The following MID1 variants were observed in gnomAD, a reference collection of about 807,000 sequenced individuals.
The protein encoded by MID1 is E3 ubiquitin-protein ligase Midline-1.
In MID1, 7 loss-of-function variants were observed where a neutral mutation model predicts 40.4. The ratio of observed to expected loss-of-function variants is 0.17; its 90% CI spans 0.10 to 0.33. The LOEUF (loss-of-function observed/expected upper bound fraction) is 0.33, where lower values mean the gene tolerates loss of function less well. Among genes scored for constraint, MID1 ranks in the 10% least tolerant of loss-of-function variants. The probability of loss-of-function intolerance (pLI) is 1.00; values close to 1 mark genes in which losing one functional copy is unlikely to be tolerated. For synonymous variants in MID1, 229 were observed against 221.2 expected, an observed-to-expected ratio of 1.04 and a Z score of -0.31; for missense variants, 367 against 558.5, an observed-to-expected ratio of 0.66 and a Z score of 3.46.
At chrX:10,703,559 C>G (rs201026081) in intron 1 of MID1, among the ~76,000 whole-genome samples, 1 of 110,795 alleles carries the variant, frequency 9.0e-6, no homozygotes, top group Non-Finnish European at 1.9e-5. Flanking sequence ...CCCAGCTACT[C>G]GGGAGGCTGA....
chrX:10,510,445 A>G (rs1932059591), intron 3 of MID1, among the ~76,000 whole-genome samples: 1 of 111,900 alleles, frequency 8.9e-6, no homozygotes, highest in Admixed American at 9.5e-5. Context: ...AGCACTTCAA[A>G]TGCTAACAGG....
chrX:10,642,599 T>G (rs376649400), intron 1 of MID1, among the ~76,000 whole-genome samples: 1 of 110,431 alleles, frequency 9.1e-6, no homozygotes, highest in East Asian at 2.8e-4. Context: ...CAAGGTAATT[T>G]ATAGATTCAA....
chrX:10,769,306 A>C (rs2043750014), intron 1 of MID1, among the ~76,000 whole-genome samples: 1 of 106,092 alleles, frequency 9.4e-6, no homozygotes, highest in South Asian at 4.1e-4. Context: ...AACCCCAAAC[A>C]AAAAAAAAAG....
upstream of MID1, among the ~76,000 whole-genome samples, chrX:10,623,248 A>G (rs1368213080): frequency 2.8e-5 from 3 of 105,387 alleles, no homozygotes; most frequent in Non-Finnish European, 3.9e-5. Context: ...AGACCCCGAA[A>G]AAAAAGAAAA....
chrX:10,640,783 A>G (rs1237181217), intron 1 of MID1, among the ~76,000 whole-genome samples: 3 of 111,203 alleles, frequency 2.7e-5, no homozygotes, highest in African/African-American at 9.8e-5. Flanking sequence ...CTCCTCAGCA[A>G]ATGTAAAAGA....
intron 1 of MID1, among the ~76,000 whole-genome samples, chrX:10,714,081 C>A (rs749869807): frequency 8.9e-6 from 1 of 112,227 alleles, no homozygotes; most frequent in African/African-American, 3.2e-5. Flanking sequence ...CTGCTTTAAT[C>A]ATCCATTCTT....
chrX:10,491,513 C>T (rs916254082), intron 4 of MID1, among the ~76,000 whole-genome samples: 6 of 110,826 alleles, frequency 5.4e-5, no homozygotes, highest in South Asian at 7.7e-4. Flanking sequence ...CCTCCCAAAG[C>T]GTTGGGACTA....
intron 1 of MID1, among the ~76,000 whole-genome samples, chrX:10,609,964 C>T (rs1249697058): frequency 1.8e-5 from 2 of 111,290 alleles, no homozygotes; most frequent in Non-Finnish European, 3.8e-5. Flanking sequence ...GTGATCCGCC[C>T]GCCTCGGCTT....
intron 2 of MID1, among the ~76,000 whole-genome samples, chrX:10,561,889 T>C (rs756607180): frequency 4.7e-5 from 5 of 107,493 alleles, no homozygotes; most frequent in Non-Finnish European, 9.4e-5. Context: ...CAAAGGATTA[T>C]AGAGCATTCT....
At chrX:10,454,353 T>C (rs961292004) in intron 9 of MID1, among the ~76,000 whole-genome samples, 10 of 111,724 alleles carry the variant, frequency 9.0e-5, no homozygotes, top group African/African-American at 3.3e-4. Flanking sequence ...TGTTTAAAAG[T>C]AGGGAATGGC....
intron 1 of MID1, among the ~76,000 whole-genome samples, chrX:10,638,655 T>C (rs1295451957): frequency 1.8e-5 from 2 of 111,012 alleles, no homozygotes; most frequent in East Asian, 5.7e-4. Flanking sequence ...TTGAAGAGAG[T>C]AGTGCTTCTC....
rs767017939 is a variant in MID1 at position 10,567,700 on chromosome X, T to C, written c.-56-97A>G. 57 of 555,754 alleles carry C rather than the reference T, an allele frequency of 1.0e-4. No homozygotes were observed. The South Asian group carries it at 1.5e-3, about 15-fold the overall frequency. 45.8% of individuals were successfully genotyped at this position (555,754 alleles called of 1,213,427 possible). On this transcript the variant is annotated intron_variant, in intron 1 of 9. Transcript: ENST00000317552. ...ATCTCAGAATAATTCCAAACACAGGTCATGAAAGGGTAAGTGTGTGTACAT... is the reference window on the plus strand; with the variant it reads ...ATCTCAGAATAATTCCAAACACAGGCCATGAAAGGGTAAGTGTGTGTACAT...
At chrX:10,631,706 C>T (rs1476577) in intron 1 of MID1, among the ~76,000 whole-genome samples, 1,610 of 111,982 alleles carry the variant, frequency 0.014, 28 homozygotes, top group African/African-American at 0.046. Flanking sequence ...AGCCCATATT[C>T]TTCCTTCCTT....
At chrX:10,638,326 T>A (rs1936144859) in intron 1 of MID1, among the ~76,000 whole-genome samples, 1 of 112,257 alleles carries the variant, frequency 8.9e-6, no homozygotes, top group Admixed American at 9.4e-5. Context: ...GCTTTTCCAA[T>A]GGCCTTAGCA....
rs745728728 is a variant in MID1, at chrX:10,618,323, G to T, written c.-57+1967C>A. ...CACCCTGCCTGGATGCAACAGTCAG[G>T]TTTCCCCAAGAGAAACTCAAATAAA... On this transcript the variant is annotated intron_variant, in intron 1 of 9. Coordinates refer to ENST00000317552, the MANE Select transcript of MID1 (RefSeq NM_000381.4). Among the ~76,000 whole-genome samples the T allele has an allele frequency of 2.7e-5, 3 of 112,130 alleles. No individual in the cohort carries two copies. In the East Asian group the frequency reaches 8.4e-4, roughly 31 times the overall value.
chrX:10,449,722 G>C lies in MID1; in HGVS notation c.1656-6C>G. On this transcript the variant is annotated splice_region_variant and splice_polypyrimidine_tract_variant and intron_variant, in intron 9 of 9. Coordinates refer to ENST00000317552, the MANE Select transcript of MID1 (RefSeq NM_000381.4). ...AAGCAAGACCAATGGCATACCTGCG[G>C]AAACAAAACAGCAACAACAAAAACA... 2.6e-6 allele frequency: 3 copies of C among 1,176,426 alleles called. No homozygotes were observed. The highest frequency in any genetic ancestry group is 3.5e-6 in the Non-Finnish European group (3 of 864,187).
intron 1 of MID1, among the ~76,000 whole-genome samples, chrX:10,783,051 T>C (rs2043857335): frequency 8.9e-6 from 1 of 112,213 alleles, no homozygotes; most frequent in Non-Finnish European, 1.9e-5. Context: ...CTGATGGCTA[T>C]TAAGCACTTG....
chrX:10,538,016 G>T (rs1933326159), intron 2 of MID1, among the ~76,000 whole-genome samples: 1 of 111,408 alleles, frequency 9.0e-6, no homozygotes, highest in African/African-American at 3.3e-5. Flanking sequence ...TTGTCACCCA[G>T]GCTGGAGTAC....
At chrX:10,812,486 T>C (rs780113030) in intron 1 of MID1, among the ~76,000 whole-genome samples, 1 of 111,496 alleles carries the variant, frequency 9.0e-6, no homozygotes, top group South Asian at 3.8e-4. Flanking sequence ...CTCTCTCTCT[T>C]TCTCTCTCCC....
Sources: gnomAD v4.1 joint callset for allele counts (sites outside exome capture counted in the v4.1 genomes callset) on GRCh38, gnomAD v4.1.1 for gene constraint, MANE v1.5 for transcripts, NCBI Gene and HGNC (gene_info 2026-07-23, HGNC 2026-07-21) for gene names.